Variants in TACR2 observed in about 807,000 individuals in gnomAD.
TACR2 encodes substance-K receptor.
TACR2 carries 24 observed loss-of-function variants against 28.9 expected under a neutral mutation model. The ratio of observed to expected loss-of-function variants is 0.83; its 90% CI spans 0.60 to 1.17. The LOEUF (loss-of-function observed/expected upper bound fraction) is 1.17. TACR2 is among the 50% of genes most tolerant of loss of function. The pLI, the probability that TACR2 is intolerant of heterozygous loss-of-function variation, is 0.00. For missense variants in TACR2, 487 were observed against 524.4 expected (o/e 0.93, Z 0.70); for synonymous variants, 222 against 212.6 (o/e 1.04, Z -0.38).
At position 69,416,215 on chromosome 10, in the gene TACR2, C is replaced by T. The variant is rs202224142; in HGVS notation, c.109G>A (p.Ala37Thr). 7.9e-5 allele frequency: 127 copies of T among 1,614,014 alleles called. No homozygotes were observed. The highest frequency in any genetic ancestry group is 1.0e-4 in the Non-Finnish European group (119 of 1,180,020). The change falls in exon 1 of 5, where the codon GCC becomes ACC. Residue 37 changes from alanine to threonine, a missense_variant. Transcript: ENST00000373306. ...SMPSWQLALW[A>T]TAYLALVLVA... is the part of the protein sequence containing the mutation. ...AGCACCAGGGCCAGGTAGGCTGTGG[C>T]CCACAGTGCCAGTTGCCAGCTGGGC...
rs761782991 is a variant in TACR2 at position 69,414,899 on chromosome 10, TCACA to T, written c.587+42_587+45del. On this transcript the variant is annotated intron_variant, in intron 2 of 4. Transcript: ENST00000373306. Reference sequence around the variant, plus strand: ...CGTGTGTACACACACACACACAGACTCACACACACACACTGTTGCCCTCCACAAT... The same window carrying T: ...CGTGTGTACACACACACACACAGACTCACACACACTGTTGCCCTCCACAAT... 3.2e-6 allele frequency: 5 copies of T among 1,539,208 alleles called. No homozygotes were observed. The South Asian group carries it at 3.6e-5, about 11-fold the overall frequency.
At chr10:69,415,899 G>T (rs1187684447) in intron 1 of TACR2, 33 bp downstream of exon 1, 2 of 1,602,494 alleles carry the variant, frequency 1.2e-6, no homozygotes, top group African/African-American at 2.7e-5. Flanking sequence ...TCAGTGGGGA[G>T]GCTCCCCCCA....
chr10:69,407,969 C>A (rs1166982866), intron 3 of TACR2, among the ~76,000 whole-genome samples: 2 of 152,240 alleles, frequency 1.3e-5, no homozygotes, highest in Non-Finnish European at 2.9e-5. Flanking sequence ...GTGCAGCTAT[C>A]TCCCCGAACC....
At chr10:69,411,518 G>C (rs1457954659) in intron 2 of TACR2, among the ~76,000 whole-genome samples, 1 of 152,154 alleles carries the variant, frequency 6.6e-6, no homozygotes, top group Non-Finnish European at 1.5e-5. Flanking sequence ...GGGTCATGCA[G>C]CCTCTGGCTC....
At chr10:69,407,005 TG>T in intron 4 of TACR2, 78 bp downstream of exon 4, 2 of 1,442,016 alleles carry the variant, frequency 1.4e-6, no homozygotes, top group Non-Finnish European at 1.9e-6. Flanking sequence ...GATGGATGCT[TG>T]AGCTGTGCAG....
chr10:69,408,979 T>A lies in TACR2; in HGVS notation c.684A>T (p.Ala228=). ...CACCGTGCGCCTGATGTCCGGGCAC[T>A]GCGCGCCTCCAGAGCGTGAGGCCGA... The part of the protein sequence containing the change: ...SVIGLTLWRR[A]VPGHQAHGAN... Residue 228 remains alanine (A), a synonymous_variant, in exon 3 of 5, where the codon GCA becomes GCT. Transcript: ENST00000373306. 1 of 1,599,696 alleles carries A rather than the reference T, an allele frequency of 6.3e-7. No homozygotes were observed. Among genetic ancestry groups the A allele is most frequent in the East Asian group, 2.4e-5 (1 of 42,530 alleles).
Position 69,416,432 on chromosome 10 carries a change from G to T in TACR2, c.-109C>A. Reference sequence around the variant, plus strand: ...TGGGAATATGGGGGCAGGGAGAGGAGCAGATGCCAAGCGTGGTGGCACATC... The same window carrying T: ...TGGGAATATGGGGGCAGGGAGAGGATCAGATGCCAAGCGTGGTGGCACATC... On this transcript the variant is annotated 5_prime_UTR_variant, in exon 1 of 5. Transcript: ENST00000373306. The T allele has an allele frequency of 6.8e-7, 1 of 1,465,134 alleles. No homozygotes were observed. The highest frequency in any genetic ancestry group is 9.1e-7 in the Non-Finnish European group (1 of 1,098,604). The allele number at this position is 1,465,134 out of a possible 1,614,324, so 90.8% of individuals were successfully genotyped here. A position where few individuals can be genotyped will look rare whatever the true frequency, so the allele number is the denominator to read the frequency against.
intron 1 of TACR2, 36 bp downstream of exon 1, chr10:69,415,896 G>A (rs1456928385): frequency 9.4e-6 from 15 of 1,601,444 alleles, no homozygotes; most frequent in Non-Finnish European, 1.2e-5. Flanking sequence ...GGCTCAGTGG[G>A]GAGGCTCCCC....
intron 3 of TACR2, among the ~76,000 whole-genome samples, chr10:69,407,576 T>TCATTCACTGCAGCTCCCCCTC (rs2133003805): frequency 6.6e-6 from 1 of 152,326 alleles, no homozygotes; most frequent in African/African-American, 2.4e-5. Flanking sequence ...TGGGACCCCT[T>TCATTCACTGCAGCTCCCCCTC]CATTCACTGC....
Position 69,416,500 on chromosome 10 carries a change from C to T in TACR2, c.-177G>A. 1 of 760,066 alleles carries T rather than the reference C, an allele frequency of 1.3e-6. No individual in the cohort carries two copies. The highest frequency in any genetic ancestry group is 2.0e-6 in the Non-Finnish European group (1 of 491,828). The allele number at this position is 760,066 out of a possible 1,614,324, so 47.1% of individuals were successfully genotyped here. A position where few individuals can be genotyped will look rare whatever the true frequency, so the allele number is the denominator to read the frequency against. ...CTCCTAGGTCTCAGGCAAAGATGAGCTGGGCTGAGCACAAAGCCCAGTCCA... is the reference window on the plus strand; with the variant it reads ...CTCCTAGGTCTCAGGCAAAGATGAGTTGGGCTGAGCACAAAGCCCAGTCCA... On this transcript the variant is annotated 5_prime_UTR_variant, in exon 1 of 5. Transcript: ENST00000373306.
intron 3 of TACR2, among the ~76,000 whole-genome samples, chr10:69,408,575 G>C (rs1482594420): frequency 1.3e-5 from 2 of 152,110 alleles, no homozygotes. Flanking sequence ...CCTGAGAGCT[G>C]GGATTACAGG....
rs1368841121 is a variant in TACR2, at chr10:69,408,894, C to T, written c.741+28G>A. 6 of 223,942 alleles carry T rather than the reference C, an allele frequency of 2.7e-5. 1 individual carries two copies. The highest frequency in any genetic ancestry group is 1.1e-5 in the Non-Finnish European group (2 of 177,042). 13.9% of individuals were successfully genotyped at this position (223,942 alleles called of 1,614,324 possible). ...CCCCCCGCCCCCTCCAGGCCCCGCC[C>T]CCTCCAGGCCCCCGCCCCCGCGCCC... On this transcript the variant is annotated intron_variant, in intron 3 of 4. Coordinates refer to ENST00000373306, the MANE Select transcript of TACR2 (RefSeq NM_001057.3).
rs779373247 is a variant in TACR2 at position 69,404,852 on chromosome 10, G to C, written c.1171C>G (p.Pro391Ala). 6.4e-7 allele frequency: 1 copy of C among 1,567,038 alleles called. No individual in the cohort carries two copies. The highest frequency in any genetic ancestry group is 1.4e-5 in the African/African-American group (1 of 73,816). ...CAAATTTCAACATGAGTTTTGGTGG[G>C]GGCAAGCAAACCATACCCAAACCAT... The part of the protein sequence containing the change: ...GLWFGYGLLA[P>A]TKTHVEI Residue 391 changes from proline (P) to alanine (A), a missense_variant, in exon 5 of 5, where the codon CCC becomes GCC. By Grantham distance (27) the Pro-to-Ala change is conservative. Transcript: ENST00000373306.
chr10:69,408,806 CCCCCGTCCCACCCCCGTCCCA>C (rs1253684165), intron 3 of TACR2, 95 bp downstream of exon 3: 13 of 62,404 alleles, frequency 2.1e-4, no homozygotes, highest in East Asian at 7.1e-4. Context: ...CCCCGTCCCG[CCCCCGTCCCACCCCCGTCCCA>C]CCCCGTCCGG....
chr10:69,405,049 C>T lies in TACR2; in HGVS notation c.974G>A (p.Cys325Tyr). The T allele has an allele frequency of 3.7e-6, 6 of 1,613,894 alleles. No individual in the cohort carries two copies. The highest frequency in any genetic ancestry group is 5.1e-6 in the Non-Finnish European group (6 of 1,179,874). Residue 325 changes from cysteine to tyrosine, a missense_variant, in exon 5 of 5, where the codon TGC becomes TAC. Cys to Tyr is a radical substitution (Grantham distance 194). Coordinates refer to ENST00000373306, the MANE Select transcript of TACR2 (RefSeq NM_001057.3). The stretch of plus-strand genomic sequence containing the variant: ...TTCCTTGGTGGGTGTGACCCATGGG[C>T]AGCAGCGGAAGGCAAGCCGGAATCC... ...RSGFRLAFRC[C>Y]PWVTPTKEDK...
intron 2 of TACR2, among the ~76,000 whole-genome samples, chr10:69,413,341 G>C (rs12246544): frequency 0.017 from 2,530 of 152,242 alleles, 77 homozygotes; most frequent in African/African-American, 0.058. Flanking sequence ...ACCCCTGCCC[G>C]CCTGTTTTTC....
chr10:69,415,884 C>T (rs1564582942), intron 1 of TACR2, 48 bp downstream of exon 1: 13 of 1,590,096 alleles, frequency 8.2e-6, no homozygotes, highest in Non-Finnish European at 1.1e-5. Flanking sequence ...TATCTGAGCC[C>T]CGGCTCAGTG....
rs749006853 is a variant in TACR2 at position 69,405,087 on chromosome 10, G to T, written c.939-3C>A. 6.2e-7 allele frequency: 1 copy of T among 1,612,156 alleles called. No individual in the cohort carries two copies. Among genetic ancestry groups the T allele is most frequent in the African/African-American group, 1.3e-5 (1 of 74,902 alleles). ...CAAGCCGGAATCCAGAGCGAAACCT[G>T]GGGGAGCGAGGGGCACCTTGAGCCA... is the stretch of plus-strand genomic sequence containing the variant. On this transcript the variant is annotated splice_region_variant and splice_polypyrimidine_tract_variant and intron_variant, in intron 4 of 4. Coordinates refer to ENST00000373306, the MANE Select transcript of TACR2 (RefSeq NM_001057.3).
At chr10:69,415,626 A>T (rs1840608330) in intron 1 of TACR2, among the ~76,000 whole-genome samples, 1 of 152,250 alleles carries the variant, frequency 6.6e-6, no homozygotes. Context: ...CAAAACAAAG[A>T]TCAACTCCAG....
Sources: gnomAD v4.1 joint callset for allele counts (sites outside exome capture counted in the v4.1 genomes callset) on GRCh38, gnomAD v4.1.1 for gene constraint, MANE v1.5 for transcripts, NCBI Gene and HGNC (gene_info 2026-07-23, HGNC 2026-07-21) for gene names.